The following OBSL1 variants were observed in gnomAD, a reference collection of about 807,000 sequenced individuals.
OBSL1 encodes the protein obscurin like cytoskeletal adaptor 1, also known as obscurin-like protein 1.
In OBSL1, 160 loss-of-function variants were observed where a neutral mutation model predicts 172.0. The ratio of observed to expected loss-of-function variants is 0.93; its 90% CI spans 0.82 to 1.06. OBSL1 has a LOEUF of 1.06. Ranked by LOEUF, OBSL1 falls within the 50% of genes least tolerant of loss-of-function variation. The pLI is 0.00. For synonymous variants in OBSL1, 1,200 were observed against 1,196.3 expected (o/e 1.00, Z -0.06); for missense variants, 2,681 against 2,715.4 (o/e 0.99, Z 0.28).
In OBSL1 at chr2:219,565,472, AACG is replaced by A; in HGVS notation, c.2174_2176del (p.Ser725del). ...CACCCGCTCTGAGGTTGTGAAGGTC[AACG>A]ACACCCTGTCCTGGGGGCTCAGGAT... On this transcript the variant is annotated inframe_deletion, in exon 6 of 21. Coordinates refer to ENST00000404537, the MANE Select transcript of OBSL1 (RefSeq NM_015311.3). 6.2e-7 allele frequency: 1 copy of A among 1,612,560 alleles called. No individual in the cohort carries two copies. The highest frequency in any genetic ancestry group is 8.5e-7 in the Non-Finnish European group (1 of 1,179,874).
Position 219,556,731 on chromosome 2 carries a change from G to T in OBSL1, c.4067-8C>A. 6.3e-7 allele frequency: 1 copy of T among 1,590,482 alleles called. No individual in the cohort carries two copies. Among genetic ancestry groups the T allele is most frequent in the Non-Finnish European group, 8.6e-7 (1 of 1,163,328 alleles). Reference sequence around the variant, plus strand: ...GCTTCACCAGCAGTGGCTCTAAGGGGCACGGTAAGGCAGTGAGCTGGGCTG... The same window carrying T: ...GCTTCACCAGCAGTGGCTCTAAGGGTCACGGTAAGGCAGTGAGCTGGGCTG... On this transcript the variant is annotated splice_polypyrimidine_tract_variant and splice_region_variant and intron_variant, in intron 12 of 20. Transcript: ENST00000404537.
chr2:219,558,138 A>T (rs189357800), intron 10 of OBSL1, 28 bp from the exon 11 acceptor site: 2 of 1,611,308 alleles, frequency 1.2e-6, no homozygotes, highest in African/African-American at 2.7e-5. Context: ...GTGTCATCCC[A>T]TGCTTGCCCT....
At chr2:219,558,619 GAA>G (rs1696222093) in intron 9 of OBSL1, among the ~76,000 whole-genome samples, 160 bp from the exon 10 acceptor site, 1 of 152,268 alleles carries the variant, frequency 6.6e-6, no homozygotes, top group Non-Finnish European at 1.5e-5. Context: ...ACTGTCCTAA[GAA>G]CCCTGTGTTT....
downstream of OBSL1, chr2:219,549,197 G>A (rs144974523): frequency 7.6e-4 from 1,223 of 1,613,968 alleles, 6 homozygotes; most frequent in African/African-American, 0.014. Flanking sequence ...ATGCGGATTC[G>A]GCAGCAGGAA....
chr2:219,565,230 A>G lies in OBSL1; in HGVS notation c.2407+12T>C, dbSNP rs371641698. ...CTTGGCTGGAGGAGCCCAGGCTGGCATGCTTCCTGACCTTGGACAGTGACG... is the reference window on the plus strand; with the variant it reads ...CTTGGCTGGAGGAGCCCAGGCTGGCGTGCTTCCTGACCTTGGACAGTGACG... On this transcript the variant is annotated intron_variant, in intron 6 of 20. Transcript: ENST00000404537. 2.3e-5 allele frequency: 37 copies of G among 1,599,570 alleles called. No individual in the cohort carries two copies. The highest frequency in any genetic ancestry group is 3.0e-5 in the Non-Finnish European group (35 of 1,171,122).
rs1395696695 is a variant in OBSL1 at position 219,571,187 on chromosome 2, G to T, written c.46C>A (p.Arg16Ser). 3 of 1,474,834 alleles carry T rather than the reference G, an allele frequency of 2.0e-6. No individual in the cohort carries two copies. The highest frequency in any genetic ancestry group is 2.7e-6 in the Non-Finnish European group (3 of 1,115,158). 91.4% of individuals were successfully genotyped at this position (1,474,834 alleles called of 1,614,324 possible). ...GDQGSPPCFL[R>S]FPRPVRVVSG... ...ACCACCCGCACAGGCCGCGGGAAGC[G>T]CAGGAAGCACGGGGGGCTCCCCTGA... Residue 16 changes from arginine (R) to serine (S), a missense_variant, in exon 1 of 21, where the codon CGC (arginine) becomes AGC (serine). By Grantham distance (110) the Arg-to-Ser change is moderately radical (BLOSUM62 -1). Around this residue, in one of 5 missense-constraint regions of OBSL1, gnomAD observed 90 missense variants for 76.6 expected, o/e 1.18. Coordinates refer to ENST00000404537, the MANE Select transcript of OBSL1 (RefSeq NM_015311.3).
chr2:219,555,896 C>T (rs763266304), intron 14 of OBSL1, 124 bp downstream of exon 14: 33 of 1,473,754 alleles, frequency 2.2e-5, no homozygotes, highest in African/African-American at 7.0e-5. Flanking sequence ...GCTGCTGGGA[C>T]GGCCATGGGT....
At position 219,570,587 on chromosome 2, in the gene OBSL1, C is replaced by T. The variant is rs1226042194; in HGVS notation, c.646G>A (p.Gly216Ser). 2.0e-6 allele frequency: 3 copies of T among 1,521,048 alleles called. No homozygotes were observed. The highest frequency in any genetic ancestry group is 2.6e-6 in the Non-Finnish European group (3 of 1,138,194). 94.2% of individuals were successfully genotyped at this position (1,521,048 alleles called of 1,614,324 possible). Residue 216 changes from glycine to serine, a missense_variant, in exon 1 of 21, where the codon GGC becomes AGC. This residue lies in a region of OBSL1 where 706 missense variants were observed against 695.8 expected (regional missense o/e 1.01). Coordinates refer to ENST00000404537, the MANE Select transcript of OBSL1 (RefSeq NM_015311.3). ...AGCAGCGCCCCCGCCTGCGCGTGGC[C>T]GTGCGCGTTGCGGGCGTGGCACACG... ...VYVCHARNAH[G>S]HAQAGALLQV... is the part of the protein sequence containing the mutation.
In OBSL1 at chr2:219,552,884, G is replaced by A; in HGVS notation, c.5130C>T (p.Val1710=). ...CGTACCCACCGCGCACGGTCAGGCGGACCGGTCCGGCGCGGGCCGTCCCCA... is the reference window on the plus strand; with the variant it reads ...CGTACCCACCGCGCACGGTCAGGCGAACCGGTCCGGCGCGGGCCGTCCCCA... The part of the protein sequence containing the change: ...CAVGTARAGP[V]RLTVRERTVA... The change falls in exon 17 of 21, where the codon GTC becomes GTT. Residue 1710 remains valine (V), a synonymous_variant. Transcript: ENST00000404537. The A allele has an allele frequency of 1.9e-6, 3 of 1,541,930 alleles. No homozygotes were observed. Among genetic ancestry groups the A allele is most frequent in the South Asian group, 2.4e-5 (2 of 83,822 alleles).
chr2:219,551,202 G>A, intron 20 of OBSL1: 1 of 1,385,496 alleles, frequency 7.2e-7, no homozygotes, highest in East Asian at 2.7e-5. Context: ...GGCAGTGTTG[G>A]TGAAGTGGGG....
chr2:219,566,428 AATGT>A (rs1696897714), intron 5 of OBSL1, among the ~76,000 whole-genome samples: 1 of 152,110 alleles, frequency 6.6e-6, no homozygotes, highest in African/African-American at 2.4e-5. Context: ...AGATTGTGTT[AATGT>A]ATGTAAGGTG....
downstream of OBSL1, chr2:219,550,077 C>CG: frequency 1.7e-6 from 1 of 576,806 alleles, no homozygotes; most frequent in Non-Finnish European, 3.0e-6. Flanking sequence ...GTGTGAACCC[C>CG]ATTGGGGTGT....
rs1312274757 is a variant in OBSL1, at chr2:219,552,888, G to A, written c.5126C>T (p.Pro1709Leu). Reference sequence around the variant, plus strand: ...CCCACCGCGCACGGTCAGGCGGACCGGTCCGGCGCGGGCCGTCCCCACCGC... The same window carrying A: ...CCCACCGCGCACGGTCAGGCGGACCAGTCCGGCGCGGGCCGTCCCCACCGC... ...SCAVGTARAG[P>L]VRLTVRERTV... The change falls in exon 17 of 21, where the codon CCG becomes CTG. Residue 1709 changes from proline to leucine, a missense_variant. Around this residue, in one of 5 missense-constraint regions of OBSL1, gnomAD observed 1,765 missense variants for 1,748.3 expected, o/e 1.01. Transcript: ENST00000404537. 6.5e-7 allele frequency: 1 copy of A among 1,541,360 alleles called. No homozygotes were observed. Among genetic ancestry groups the A allele is most frequent in the South Asian group, 1.2e-5 (1 of 83,800 alleles).
chr2:219,554,588 G>A lies in OBSL1; in HGVS notation c.4762C>T (p.His1588Tyr). The A allele has an allele frequency of 6.2e-7, 1 of 1,613,318 alleles. No homozygotes were observed. Among genetic ancestry groups the A allele is most frequent in the East Asian group, 2.2e-5 (1 of 44,880 alleles). ...AGTCGGTGACGGTGGCCGTCCGAGT[G>A]GATGTGACACTTGGGTCCTGGATAC... ...QLYPGPKCHIHSDGHRHRLVL... is the reference protein window; with the variant it reads ...QLYPGPKCHIYSDGHRHRLVL... The change falls in exon 15 of 21, where the codon CAC becomes TAC. Residue 1588 changes from histidine to tyrosine, a missense_variant. His to Tyr is a moderately conservative substitution (Grantham distance 83). Coordinates refer to ENST00000404537, the MANE Select transcript of OBSL1 (RefSeq NM_015311.3).
chr2:219,552,122 C>T lies in OBSL1; in HGVS notation c.5403G>A (p.Leu1801=), dbSNP rs1695660328. ...QAGPAQSLAL[L]EVEALPLQMC... The stretch of plus-strand genomic sequence containing the variant: ...ACCCCAGGTGCTTACCCTCCACTTC[C>T]AGTAGAGCCAGGGACTGGGCGGGCC... Residue 1801 remains leucine (L), a synonymous_variant, in exon 19 of 21, where the codon CTG becomes CTA. Transcript: ENST00000404537. 6.2e-7 allele frequency: 1 copy of T among 1,609,966 alleles called. No individual in the cohort carries two copies.
Position 219,562,386 on chromosome 2 carries a change from T to C in OBSL1, c.2953+16A>G, listed in dbSNP as rs751909131. On this transcript the variant is annotated intron_variant, in intron 8 of 20. Coordinates refer to ENST00000404537, the MANE Select transcript of OBSL1 (RefSeq NM_015311.3). ...GGCTGTCTCTGTGACCCCGGGGAGC[T>C]GGGCTGGGCCCACACCTGTGACGGT... 3.1e-6 allele frequency: 5 copies of C among 1,609,966 alleles called. No homozygotes were observed. In the African/African-American group the frequency reaches 6.7e-5, roughly 22 times the overall value.
chr2:219,556,827 C>A (rs144239880), intron 12 of OBSL1, 104 bp from the exon 13 acceptor site: 14 of 1,291,636 alleles, frequency 1.1e-5, no homozygotes, highest in Middle Eastern at 2.1e-4. Context: ...ATTTAACAGA[C>A]CTTCTGTGAG....
chr2:219,552,818 A>G (rs1695733287), intron 17 of OBSL1, 50 bp downstream of exon 17: 2 of 1,534,908 alleles, frequency 1.3e-6, no homozygotes, highest in East Asian at 5.0e-5. Flanking sequence ...ACAGCTCCGC[A>G]AGTCTCGCGC....
intron 8 of OBSL1, chr2:219,562,014 G>A: frequency 1.4e-6 from 1 of 717,552 alleles, no homozygotes; most frequent in Non-Finnish European, 2.6e-6. Context: ...AGACTCTGCA[G>A]ACCAAACAAA....
Sources: gnomAD v4.1 joint callset for allele counts (sites outside exome capture counted in the v4.1 genomes callset) on GRCh38, gnomAD v4.1.1 for gene constraint, gnomAD v4.1.1 regional missense constraint, MANE v1.5 for transcripts, NCBI Gene and HGNC (gene_info 2026-07-23, HGNC 2026-07-21) for gene names.